Variants in PTPRN2 observed in about 807,000 individuals in gnomAD.
The protein encoded by PTPRN2 is receptor-type tyrosine-protein phosphatase N2.
A neutral mutation model predicts 118.8 loss-of-function variants in PTPRN2; 74 were observed. That is an observed-to-expected ratio of 0.62 (90% confidence interval 0.52 to 0.76). The LOEUF is 0.76. PTPRN2 is among the 30% of genes least tolerant of loss of function. The probability of loss-of-function intolerance (pLI) is 0.00; values close to 1 mark genes in which losing one functional copy is unlikely to be tolerated. For missense variants in PTPRN2, 1,481 were observed against 1,394.4 expected, an observed-to-expected ratio of 1.06 and a Z score of -0.99; for synonymous variants, 641 against 608.0, an observed-to-expected ratio of 1.05 and a Z score of -0.80.
intron 13 of PTPRN2, among the ~76,000 whole-genome samples, chr7:157,662,784 G>C (rs570226338): frequency 1.3e-5 from 2 of 152,336 alleles, no homozygotes; most frequent in East Asian, 3.9e-4. Flanking sequence ...ACTGCTTTCG[G>C]AATGTGCTTT....
intron 3 of PTPRN2, among the ~76,000 whole-genome samples, chr7:158,205,997 C>T (rs1339437182): frequency 6.6e-6 from 1 of 152,166 alleles, no homozygotes; most frequent in Non-Finnish European, 1.5e-5. Flanking sequence ...TGAAGGCTGC[C>T]TATGATGGAA....
In PTPRN2 at chr7:158,554,991, C is replaced by A. The variant is rs78934240; in HGVS notation, c.112+32567G>T. 5.7e-3 allele frequency among the ~76,000 whole-genome samples: 866 copies of A among 152,306 alleles called. 52 individuals carry two copies. The East Asian group carries it at 0.14, about 25-fold the overall frequency. On this transcript the variant is annotated intron_variant, in intron 1 of 22. Coordinates refer to ENST00000389418, the MANE Select transcript of PTPRN2 (RefSeq NM_002847.5). ...GGGACACGTTTAATTTATCCGGCCCCTCCTCGACTACCAACTCCCCTCACC... is the reference window on the plus strand; with the variant it reads ...GGGACACGTTTAATTTATCCGGCCCATCCTCGACTACCAACTCCCCTCACC...
intron 13 of PTPRN2, among the ~76,000 whole-genome samples, chr7:157,672,715 C>A (rs551702524): frequency 1.3e-5 from 2 of 152,234 alleles, no homozygotes; most frequent in South Asian, 2.1e-4. Flanking sequence ...ATAGTCCCAG[C>A]ACTTATCACT....
At chr7:158,325,081 T>TCC (rs966566560) in intron 2 of PTPRN2, among the ~76,000 whole-genome samples, 3 of 139,866 alleles carry the variant, frequency 2.1e-5, no homozygotes, top group Admixed American at 2.1e-4. Flanking sequence ...CCACAGGGGG[T>TCC]CCCCCAGGCC....
chr7:158,287,053 T>G (rs1799815344), intron 3 of PTPRN2, among the ~76,000 whole-genome samples: 1 of 140,306 alleles, frequency 7.1e-6, no homozygotes, highest in Non-Finnish European at 1.6e-5. Context: ...AGATTTTCTG[T>G]TTCTCCATAA....
chr7:158,371,142 C>T (rs757777293), intron 2 of PTPRN2, among the ~76,000 whole-genome samples: 12 of 152,050 alleles, frequency 7.9e-5, no homozygotes, highest in African/African-American at 2.2e-4. Context: ...GGAAGAAACA[C>T]GGGCCCACAG....
chr7:157,971,562 C>T (rs549055992), intron 11 of PTPRN2, among the ~76,000 whole-genome samples: 5 of 152,168 alleles, frequency 3.3e-5, no homozygotes, highest in Admixed American at 6.5e-5. Flanking sequence ...CCCCCTGGAA[C>T]GTTCCCCAGC....
intron 12 of PTPRN2, among the ~76,000 whole-genome samples, chr7:157,758,337 C>A (rs1264087646): frequency 6.6e-6 from 1 of 152,256 alleles, no homozygotes; most frequent in African/African-American, 2.4e-5. Flanking sequence ...TCAGGCGGCT[C>A]CTTCAGTGAA....
In PTPRN2 at chr7:157,576,681, C is replaced by T. The variant is rs1800065640; in HGVS notation, c.2715G>A (p.Gln905=). ...LQTNETRTVT[Q]FHFLSWYDRG... ...GGTCATACCAACTCAGGAAGTGGAACTGCGTCACGGTGCGCGTCTCGTTGG... is the reference window on the plus strand; with the variant it reads ...GGTCATACCAACTCAGGAAGTGGAATTGCGTCACGGTGCGCGTCTCGTTGG... Residue 905 remains glutamine (Q), a synonymous_variant, in exon 19 of 23, where the codon CAG becomes CAA. Transcript: ENST00000389418. 6.2e-7 allele frequency: 1 copy of T among 1,612,368 alleles called. No homozygotes were observed. The highest frequency in any genetic ancestry group is 8.5e-7 in the Non-Finnish European group (1 of 1,179,226).
chr7:158,147,941 A>T, intron 6 of PTPRN2, among the ~76,000 whole-genome samples: 1 of 119,368 alleles, frequency 8.4e-6, no homozygotes, highest in Non-Finnish European at 1.8e-5. Flanking sequence ...TTTCCCCCTC[A>T]ATGACACCCC....
intron 1 of PTPRN2, among the ~76,000 whole-genome samples, chr7:158,556,723 G>T (rs945503740): frequency 3.3e-5 from 5 of 151,686 alleles, no homozygotes; most frequent in Admixed American, 2.6e-4. Flanking sequence ...TCCCGGGCAG[G>T]TCAGGCGGCT....
intron 16 of PTPRN2, among the ~76,000 whole-genome samples, chr7:157,597,686 A>T (rs1654670817): frequency 6.6e-6 from 1 of 152,232 alleles, no homozygotes; most frequent in Non-Finnish European, 1.5e-5. Flanking sequence ...CACACCCATC[A>T]CCTGCTCCAA....
intron 11 of PTPRN2, among the ~76,000 whole-genome samples, chr7:158,018,561 G>A (rs1277048730): frequency 6.6e-6 from 1 of 152,070 alleles, no homozygotes; most frequent in Admixed American, 6.5e-5. Context: ...AAATCATCTC[G>A]GCTTGAAATG....
At chr7:157,973,710 G>T (rs531397444) in intron 11 of PTPRN2, among the ~76,000 whole-genome samples, 1 of 152,322 alleles carries the variant, frequency 6.6e-6, no homozygotes, top group South Asian at 2.1e-4. Context: ...AAGCACTGTT[G>T]TAAGATTTTT....
chr7:158,366,059 C>A (rs1275416056), intron 2 of PTPRN2, among the ~76,000 whole-genome samples: 1 of 145,782 alleles, frequency 6.9e-6, no homozygotes, highest in Non-Finnish European at 1.5e-5. Flanking sequence ...AGCTGCAGCC[C>A]AATGCACGCG....
At chr7:157,652,925 G>A (rs1805766347) in intron 14 of PTPRN2, among the ~76,000 whole-genome samples, 1 of 152,232 alleles carries the variant, frequency 6.6e-6, no homozygotes, top group Non-Finnish European at 1.5e-5. Flanking sequence ...AAGCAGCAGC[G>A]TGAGCTCCAG....
At chr7:158,071,580 CT>C (rs1368495186) in intron 11 of PTPRN2, among the ~76,000 whole-genome samples, 3 of 9,334 alleles carry the variant, frequency 3.2e-4, no homozygotes, top group Non-Finnish European at 4.7e-4. Context: ...GGTGGAGGTG[CT>C]CCTGGTGGAG....
At chr7:158,054,950 G>T (rs189115774) in intron 11 of PTPRN2, among the ~76,000 whole-genome samples, 1 of 152,244 alleles carries the variant, frequency 6.6e-6, no homozygotes, top group East Asian at 1.9e-4. Context: ...CCCATCCTTC[G>T]TGCTCTGCCC....
chr7:158,058,744 A>G (rs370881819), intron 11 of PTPRN2, among the ~76,000 whole-genome samples: 54 of 54,052 alleles, frequency 1.0e-3, no homozygotes, highest in African/African-American at 3.4e-3. Context: ...AGACATCACT[A>G]CAGCCACACT....
Sources: gnomAD v4.1 joint callset for allele counts (sites outside exome capture counted in the v4.1 genomes callset) on GRCh38, gnomAD v4.1.1 for gene constraint, MANE v1.5 for transcripts, NCBI Gene and HGNC (gene_info 2026-07-23, HGNC 2026-07-21) for gene names.